Variants in SPATA16 observed in about 807,000 individuals in gnomAD.
The protein encoded by SPATA16 is spermatogenesis associated 16.
A neutral mutation model predicts 63.3 loss-of-function variants in SPATA16; 36 were observed. That is an observed-to-expected ratio of 0.57 (90% CI 0.44 to 0.75). The LOEUF (loss-of-function observed/expected upper bound fraction) is 0.75, where lower values mean the gene tolerates loss of function less well. SPATA16 is among the 30% of genes least tolerant of loss of function. The pLI, the probability that SPATA16 is intolerant of heterozygous loss-of-function variation, is 0.00. For missense variants in SPATA16, 646 were observed against 679.3 expected (o/e 0.95, Z 0.54); for synonymous variants, 203 against 216.7 (o/e 0.94, Z 0.56).
intron 3 of SPATA16, among the ~76,000 whole-genome samples, chr3:173,047,380 G>A (rs754244902): frequency 6.6e-6 from 1 of 151,894 alleles, no homozygotes; most frequent in Non-Finnish European, 1.5e-5. Context: ...TAAAATGTAG[G>A]CCATGTAGGC....
chr3:172,891,435 C>T (rs562796111), intron 10 of SPATA16, among the ~76,000 whole-genome samples: 1 of 152,330 alleles, frequency 6.6e-6, no homozygotes, highest in African/African-American at 2.4e-5. Context: ...GTCCAGAGCA[C>T]ATACTATGTG....
At chr3:172,933,349 T>G (rs549387195) in intron 6 of SPATA16, among the ~76,000 whole-genome samples, 1 of 152,164 alleles carries the variant, frequency 6.6e-6, no homozygotes, top group Non-Finnish European at 1.5e-5. Context: ...TGAGACCCAA[T>G]TGACCAAGTC....
At chr3:173,019,159 T>G (rs1458586391) in intron 4 of SPATA16, among the ~76,000 whole-genome samples, 1 of 152,206 alleles carries the variant, frequency 6.6e-6, no homozygotes, top group Non-Finnish European at 1.5e-5. Flanking sequence ...GAGATAGTTA[T>G]AGAAATGTGT....
At chr3:172,929,715 C>CA (rs1462784539) in intron 6 of SPATA16, among the ~76,000 whole-genome samples, 2 of 152,084 alleles carry the variant, frequency 1.3e-5, no homozygotes, top group Non-Finnish European at 1.5e-5. Flanking sequence ...TATTTTTAAC[C>CA]AAAAAATTGG....
At chr3:173,107,120 C>G (rs1215787085) in intron 2 of SPATA16, among the ~76,000 whole-genome samples, 1 of 152,044 alleles carries the variant, frequency 6.6e-6, no homozygotes, top group African/African-American at 2.4e-5. Context: ...CTTTCTAAAA[C>G]CTGACTCAAA....
chr3:173,107,849 A>G (rs1416724110), intron 2 of SPATA16, among the ~76,000 whole-genome samples: 1 of 152,094 alleles, frequency 6.6e-6, no homozygotes, highest in Non-Finnish European at 1.5e-5. Flanking sequence ...GGAAAGTTGG[A>G]TAGTGGAAGA....
intron 5 of SPATA16, among the ~76,000 whole-genome samples, chr3:172,961,075 T>TG (rs1733767587): frequency 2.3e-5 from 3 of 129,842 alleles, no homozygotes; most frequent in Non-Finnish European, 4.8e-5. Flanking sequence ...TCTTTCTTCC[T>TG]TCCTTCCTTC....
At chr3:173,117,891 C>CTACTGACTATTT in intron 1 of SPATA16, 142 bp from the exon 2 acceptor site, 2 of 1,356,626 alleles carry the variant, frequency 1.5e-6, no homozygotes, top group South Asian at 2.7e-5. Context: ...TTTACATAAT[C>CTACTGACTATTT]TACTGACTAT....
intron 2 of SPATA16, among the ~76,000 whole-genome samples, chr3:173,113,381 A>T (rs562093031): frequency 9.2e-5 from 14 of 152,338 alleles, no homozygotes; most frequent in African/African-American, 2.6e-4. Context: ...CTTGAGAAAG[A>T]TTGATGAGGT....
At chr3:173,052,571 C>T (rs1378901519) in intron 2 of SPATA16, among the ~76,000 whole-genome samples, 3 of 152,142 alleles carry the variant, frequency 2.0e-5, no homozygotes, top group African/African-American at 7.2e-5. Flanking sequence ...ACAGTTAAAA[C>T]AATGTGTTGA....
intron 4 of SPATA16, among the ~76,000 whole-genome samples, chr3:173,017,986 G>A (rs1735231177): frequency 6.6e-6 from 1 of 152,142 alleles, no homozygotes; most frequent in Non-Finnish European, 1.5e-5. Flanking sequence ...ACATTTCAGT[G>A]GAGTAAATAA....
chr3:173,126,787 T>A (rs370503624), intron 1 of SPATA16, among the ~76,000 whole-genome samples: 3 of 152,308 alleles, frequency 2.0e-5, no homozygotes, highest in South Asian at 4.1e-4. Context: ...TTTAACCACA[T>A]CTTGCAGCTC....
intron 2 of SPATA16, among the ~76,000 whole-genome samples, chr3:173,061,541 G>C (rs1306605199): frequency 6.6e-6 from 1 of 152,218 alleles, no homozygotes; most frequent in African/African-American, 2.4e-5. Flanking sequence ...CTAACCTGCA[G>C]ATTCCTTAAT....
intron 5 of SPATA16, among the ~76,000 whole-genome samples, chr3:172,961,123 T>G (rs186406452): frequency 8.0e-5 from 12 of 150,902 alleles, no homozygotes; most frequent in African/African-American, 2.7e-4. Flanking sequence ...CCTTCCTTCC[T>G]TCCTTTCTCT....
chr3:173,138,935 A>T (rs1234446476), intron 1 of SPATA16, among the ~76,000 whole-genome samples: 2 of 152,196 alleles, frequency 1.3e-5, no homozygotes, highest in Non-Finnish European at 1.5e-5. Context: ...AAATACATTT[A>T]CTCCTGGAGG....
intron 2 of SPATA16, among the ~76,000 whole-genome samples, chr3:173,113,134 T>A (rs534391353): frequency 6.6e-6 from 1 of 152,232 alleles, no homozygotes; most frequent in Non-Finnish European, 1.5e-5. Flanking sequence ...TTGCCTAATA[T>A]GCAAATACAA....
intron 5 of SPATA16, among the ~76,000 whole-genome samples, chr3:172,967,774 C>T (rs1733950310): frequency 6.6e-6 from 1 of 152,166 alleles, no homozygotes; most frequent in African/African-American, 2.4e-5. Flanking sequence ...TTATGTGCTT[C>T]TTATGAGAAT....
chr3:173,052,181 A>G (rs1298981780), intron 2 of SPATA16, among the ~76,000 whole-genome samples: 1 of 152,196 alleles, frequency 6.6e-6, no homozygotes, highest in Non-Finnish European at 1.5e-5. Context: ...CAGGTTCTTC[A>G]TGGCAGGCAG....
intron 10 of SPATA16, among the ~76,000 whole-genome samples, chr3:172,907,089 C>T (rs879350884): frequency 3.3e-5 from 5 of 152,174 alleles, no homozygotes; most frequent in Non-Finnish European, 5.9e-5. Context: ...ATCTGACTTT[C>T]AAAAGGCCTG....
Sources: gnomAD v4.1 joint callset for allele counts (sites outside exome capture counted in the v4.1 genomes callset) on GRCh38, gnomAD v4.1.1 for gene constraint, MANE v1.5 for transcripts, NCBI Gene and HGNC (gene_info 2026-07-23, HGNC 2026-07-21) for gene names.